Variants in ANK1 observed in about 807,000 individuals in gnomAD.
ANK1 encodes the protein ankyrin 1.
ANK1 carries 51 observed loss-of-function variants against 210.4 expected under a neutral mutation model. The ratio of observed to expected loss-of-function variants is 0.24; its 90% CI spans 0.19 to 0.31. The LOEUF is 0.31. Among genes scored for constraint, ANK1 ranks in the 10% least tolerant of loss-of-function variants. The pLI, the probability that ANK1 is intolerant of heterozygous loss-of-function variation, is 1.00. For missense variants in ANK1, 2,051 were observed against 2,504.4 expected (o/e 0.82, Z 3.86); for synonymous variants, 967 against 1,025.9 (o/e 0.94, Z 1.10).
intron 8 of ANK1, 133 bp downstream of exon 8, chr8:41,723,390 CACTGCCCAGAAT>C (rs1417445060): frequency 4.3e-5 from 50 of 1,158,814 alleles, no homozygotes; most frequent in Non-Finnish European, 5.4e-5. Flanking sequence ...CTGCACGCGG[CACTGCCCAGAAT>C]ACTGCTGCAG....
intron 1 of ANK1, among the ~76,000 whole-genome samples, chr8:41,820,186 G>T (rs539541719): frequency 1.4e-5 from 2 of 147,364 alleles, no homozygotes; most frequent in Non-Finnish European, 1.5e-5. Context: ...TTTAGATGGG[G>T]TCTCACTCTG....
intron 37 of ANK1, among the ~76,000 whole-genome samples, chr8:41,681,642 T>C (rs1046933060): frequency 2.0e-5 from 3 of 152,018 alleles, no homozygotes; most frequent in African/African-American, 7.3e-5. Flanking sequence ...GGTCCGACTG[T>C]GGGCATCAGT....
intron 1 of ANK1, among the ~76,000 whole-genome samples, chr8:41,765,609 G>T (rs1278666638): frequency 1.3e-5 from 2 of 152,132 alleles, no homozygotes; most frequent in Non-Finnish European, 2.9e-5. Context: ...AAAGCCTTCT[G>T]CCTGGGTTTG....
At chr8:41,745,799 C>T (rs977178280) in intron 2 of ANK1, among the ~76,000 whole-genome samples, 4 of 152,218 alleles carry the variant, frequency 2.6e-5, no homozygotes, top group Admixed American at 6.5e-5. Flanking sequence ...AAACCTCGAA[C>T]TCCTGGGCTC....
In ANK1 at chr8:41,672,905, G is replaced by T; in HGVS notation, c.4545C>A (p.Ser1515=). The T allele has an allele frequency of 6.3e-7, 1 of 1,599,818 alleles. No homozygotes were observed. The highest frequency in any genetic ancestry group is 1.7e-5 in the Admixed American group (1 of 59,818). The change falls in exon 38 of 43, where the codon TCC becomes TCA. Residue 1515 remains serine (S), a synonymous_variant. Transcript: ENST00000289734. ...GGGACAGCAGCTCGTCCTGCAGTGA[G>T]GAGTAACCTGGATGGGCAGACAGAG... The part of the protein sequence containing the change: ...SLSPSQMNGY[S]SLQDELLSPA...
intron 38 of ANK1, 113 bp downstream of exon 38, chr8:41,672,241 T>C (rs1383989983): frequency 8.4e-7 from 1 of 1,188,636 alleles, no homozygotes; most frequent in Non-Finnish European, 1.2e-6. Flanking sequence ...CCTGTGCAAT[T>C]AGAACCCAGG....
At chr8:41,700,546 C>CAGAGCT in intron 22 of ANK1, 7 of 1,316,050 alleles carry the variant, frequency 5.3e-6, no homozygotes, top group Non-Finnish European at 7.7e-6. Context: ...GCACCAGAAG[C>CAGAGCT]TCTGCTTCTC....
chr8:41,889,565 C>T (rs143797555), intron 1 of ANK1, among the ~76,000 whole-genome samples: 26 of 152,282 alleles, frequency 1.7e-4, no homozygotes, highest in Admixed American at 1.0e-3. Flanking sequence ...TTTTAATTGG[C>T]TGGCCATTAC....
At position 41,695,212 on chromosome 8, in the gene ANK1, C is replaced by T; in HGVS notation, c.3080G>A (p.Ser1027Asn). 1 of 1,614,172 alleles carries T rather than the reference C, an allele frequency of 6.2e-7. No individual in the cohort carries two copies. The highest frequency in any genetic ancestry group is 8.5e-7 in the Non-Finnish European group (1 of 1,180,034). The change falls in exon 27 of 43, where the codon AGC becomes AAC. Residue 1027 changes from serine (S) to asparagine (N), a missense_variant. This residue lies in a region of ANK1 where 1,413 missense variants were observed against 1,707.4 expected (regional missense o/e 0.83). Coordinates refer to ENST00000289734, the MANE Select transcript of ANK1 (RefSeq NM_000037.4). ...CCCGTTGAGGATCTGATCCAGGTAG[C>T]TCTCTCCATAGCGGCTCCTGTGCTC... The part of the protein sequence containing the change: ...WKEHRSRYGE[S>N]YLDQILNGMD...
intron 1 of ANK1, among the ~76,000 whole-genome samples, chr8:41,788,468 GACC>G (rs763643549): frequency 3.7e-4 from 56 of 151,872 alleles, no homozygotes; most frequent in Non-Finnish European, 7.1e-4. Context: ...CTACATCTCA[GACC>G]ACAAGGGCAC....
At position 41,692,864 on chromosome 8, in the gene ANK1, C is replaced by T. The variant is rs189437840; in HGVS notation, c.3642G>A (p.Ser1214=). The change falls in exon 31 of 43, where the codon TCG becomes TCA. Residue 1214 remains serine (S), a synonymous_variant. Transcript: ENST00000289734. ...CAGCCTCAGCAGTCCGAGGACAGTC[C>T]GACAGCCAAAACCTAAAAAGTAGGG... The part of the protein sequence containing the change: ...TTNVSARFWL[S]DCPRTAEAVN... 22 of 1,613,888 alleles carry T rather than the reference C, an allele frequency of 1.4e-5. No homozygotes were observed. In the Admixed American group the frequency reaches 2.5e-4, roughly 18 times the overall value.
intron 1 of ANK1, among the ~76,000 whole-genome samples, chr8:41,765,838 G>A (rs904360299): frequency 2.0e-5 from 3 of 152,066 alleles, no homozygotes; most frequent in Non-Finnish European, 2.9e-5. Flanking sequence ...GGGAGGGGCC[G>A]GAAGCACGCT....
At chr8:41,883,651 G>T (rs973273016) in intron 1 of ANK1, among the ~76,000 whole-genome samples, 1 of 152,044 alleles carries the variant, frequency 6.6e-6, no homozygotes, top group African/African-American at 2.4e-5. Context: ...GTAGAGATGG[G>T]GTCTTCCTGT....
chr8:41,767,448 G>A (rs1463559044), intron 1 of ANK1, among the ~76,000 whole-genome samples: 4 of 151,942 alleles, frequency 2.6e-5, no homozygotes, highest in Non-Finnish European at 5.9e-5. Context: ...GCTGGGCGGC[G>A]CGGGGAGCGC....
chr8:41,681,990 G>A (rs577211700), intron 37 of ANK1, among the ~76,000 whole-genome samples: 2 of 152,304 alleles, frequency 1.3e-5, no homozygotes, highest in East Asian at 3.9e-4. Flanking sequence ...ACATTCGACT[G>A]TGACCATCTG....
At chr8:41,683,358 C>T (rs1029432913) in intron 37 of ANK1, among the ~76,000 whole-genome samples, 17 of 152,186 alleles carry the variant, frequency 1.1e-4, no homozygotes, top group African/African-American at 4.1e-4. Flanking sequence ...CAAGATGGCA[C>T]ACTTCAGGAG....
chr8:41,766,003 A>T (rs1841709423), intron 1 of ANK1, among the ~76,000 whole-genome samples: 1 of 152,164 alleles, frequency 6.6e-6, no homozygotes, highest in Non-Finnish European at 1.5e-5. Flanking sequence ...TGACCTCAAG[A>T]TTTTTAGTAC....
intron 7 of ANK1, 142 bp from the exon 8 acceptor site, chr8:41,723,775 ATTT>A: frequency 4.0e-6 from 2 of 499,700 alleles, no homozygotes; most frequent in Non-Finnish European, 6.8e-6. Flanking sequence ...AAGATATTTT[ATTT>A]TTTTTTATTT....
rs1230662708 is a variant in ANK1, at chr8:41,717,003, C to T, written c.1354G>A (p.Val452Met). 1.2e-6 allele frequency: 2 copies of T among 1,614,262 alleles called. No homozygotes were observed. Among genetic ancestry groups the T allele is most frequent in the African/African-American group, 1.3e-5 (1 of 75,078 alleles). ...TTGTTCTGGAGTAAATATTTGGCCA[C>T]TTCCGTGTGCCCGGCTCTGGCTGCC... ...HMAARAGHTE[V>M]AKYLLQNKAK... The change falls in exon 13 of 43, where the codon GTG becomes ATG. Residue 452 changes from valine to methionine, a missense_variant. Coordinates refer to ENST00000289734, the MANE Select transcript of ANK1 (RefSeq NM_000037.4).
Sources: gnomAD v4.1 joint callset for allele counts (sites outside exome capture counted in the v4.1 genomes callset) on GRCh38, gnomAD v4.1.1 for gene constraint, gnomAD v4.1.1 regional missense constraint, MANE v1.5 for transcripts, NCBI Gene and HGNC (gene_info 2026-07-23, HGNC 2026-07-21) for gene names.